The following NAALADL2 variants were observed in gnomAD, a reference collection of about 807,000 sequenced individuals.
NAALADL2 encodes the protein N-acetylated alpha-linked acidic dipeptidase like 2.
NAALADL2 carries 76 observed loss-of-function variants against 87.2 expected under a neutral mutation model. The observed-to-expected ratio is 0.87, with a 90% CI of 0.72 to 1.05. NAALADL2 has a LOEUF of 1.05. Ranked by LOEUF, NAALADL2 falls within the 50% of genes least tolerant of loss-of-function variation. The pLI is 0.00. For missense variants in NAALADL2, 1,089 were observed against 945.8 expected (o/e 1.15, Z -1.99); for synonymous variants, 354 against 331.0 (o/e 1.07, Z -0.75).
intron 1 of NAALADL2, among the ~76,000 whole-genome samples, chr3:175,003,419 A>G (rs575208622): frequency 4.6e-5 from 7 of 152,336 alleles, no homozygotes; most frequent in African/African-American, 1.7e-4. Context: ...GCTAGCAGCA[A>G]TAAACAGAGG....
intron 1 of NAALADL2, among the ~76,000 whole-genome samples, chr3:175,093,212 A>G (rs1352875316): frequency 6.6e-6 from 1 of 151,654 alleles, no homozygotes; most frequent in Admixed American, 6.6e-5. Flanking sequence ...GTCTTTAAAT[A>G]TAAAATTTTC....
chr3:174,945,777 G>T (rs971902660), intron 1 of NAALADL2, among the ~76,000 whole-genome samples: 5 of 152,172 alleles, frequency 3.3e-5, no homozygotes, highest in African/African-American at 1.2e-4. Flanking sequence ...GCTGGGCAAG[G>T]TGGCTCACGC....
chr3:175,582,639 T>C (rs528407860), intron 10 of NAALADL2, among the ~76,000 whole-genome samples: 1 of 152,322 alleles, frequency 6.6e-6, no homozygotes, highest in East Asian at 1.9e-4. Flanking sequence ...ATATTTGTTA[T>C]TTAGCCAGCA....
chr3:175,389,283 T>A (rs1412296752), intron 5 of NAALADL2, among the ~76,000 whole-genome samples: 1 of 152,200 alleles, frequency 6.6e-6, no homozygotes, highest in Non-Finnish European at 1.5e-5. Flanking sequence ...TTTTATTATT[T>A]TTAAATTCTC....
intron 4 of NAALADL2, among the ~76,000 whole-genome samples, chr3:175,286,429 T>C (rs1754986428): frequency 6.6e-6 from 1 of 152,186 alleles, no homozygotes. Context: ...GTTTAAGGCC[T>C]TGGCATTTAC....
chr3:175,484,646 CA>C (rs1012724647), intron 9 of NAALADL2, among the ~76,000 whole-genome samples: 1 of 152,050 alleles, frequency 6.6e-6, no homozygotes, highest in African/African-American at 2.4e-5. Context: ...ATTTCACAGA[CA>C]TTTTGTTTAT....
At chr3:174,696,258 T>A (rs1729001447) in intron 2 of NAALADL2, among the ~76,000 whole-genome samples, 4 of 152,002 alleles carry the variant, frequency 2.6e-5, no homozygotes, top group African/African-American at 7.2e-5. Context: ...GACTTATTAT[T>A]TACTCAATTA....
intron 13 of NAALADL2, among the ~76,000 whole-genome samples, chr3:175,796,030 C>G (rs987701245): frequency 4.7e-5 from 5 of 107,192 alleles, no homozygotes; most frequent in Admixed American, 3.8e-4. Flanking sequence ...TAACTAACCC[C>G]TTATTGTTCT....
intron 2 of NAALADL2, among the ~76,000 whole-genome samples, chr3:175,169,526 A>G (rs1734481947): frequency 6.6e-6 from 1 of 151,568 alleles, no homozygotes; most frequent in Non-Finnish European, 1.5e-5. Context: ...GTATTAAACT[A>G]ATTATTTTGT....
chr3:174,539,610 C>T (rs1427963047), intron 1 of NAALADL2, among the ~76,000 whole-genome samples: 1 of 152,084 alleles, frequency 6.6e-6, no homozygotes, highest in East Asian at 1.9e-4. Flanking sequence ...TCCTTGAAAG[C>T]AGTAGAACAT....
intron 2 of NAALADL2, among the ~76,000 whole-genome samples, chr3:175,121,989 A>G (rs1461264): frequency 0.6 from 91,341 of 151,568 alleles, 28,073 homozygotes; most frequent in African/African-American, 0.73. Context: ...CAATGGCGAC[A>G]CATTGTAATA....
intron 3 of NAALADL2, among the ~76,000 whole-genome samples, chr3:174,812,120 C>A (rs765272582): frequency 1.3e-5 from 2 of 152,106 alleles, no homozygotes; most frequent in African/African-American, 2.4e-5. Context: ...ATCATCTTTT[C>A]TTTATAAATT....
intron 1 of NAALADL2, among the ~76,000 whole-genome samples, chr3:175,053,347 G>T (rs1356774698): frequency 1.3e-5 from 2 of 152,106 alleles, no homozygotes; most frequent in Non-Finnish European, 2.9e-5. Flanking sequence ...GTGAATTGTT[G>T]TCCCGCTTTC....
chr3:175,423,728 A>G (rs531951518), intron 5 of NAALADL2, among the ~76,000 whole-genome samples: 92 of 152,230 alleles, frequency 6.0e-4, no homozygotes, highest in African/African-American at 2.0e-3. Flanking sequence ...ATAAATATGC[A>G]TGTGCATGTG....
chr3:175,463,256 G>T (rs1317593251), intron 6 of NAALADL2, 145 bp from the exon 7 acceptor site: 2 of 550,426 alleles, frequency 3.6e-6, no homozygotes, highest in Non-Finnish European at 6.4e-6. Context: ...ATAAATATTT[G>T]TCGGAAAAAG....
intron 9 of NAALADL2, among the ~76,000 whole-genome samples, chr3:175,545,391 A>T (rs1477876166): frequency 6.6e-6 from 1 of 152,122 alleles, no homozygotes; most frequent in African/African-American, 2.4e-5. Context: ...TTAAACTGAC[A>T]CCAATGAATA....
intron 5 of NAALADL2, among the ~76,000 whole-genome samples, chr3:175,445,070 T>C (rs1262165368): frequency 6.6e-6 from 1 of 152,218 alleles, no homozygotes; most frequent in East Asian, 1.9e-4. Context: ...AGCACTTATT[T>C]TCCCTAGTAA....
chr3:175,391,316 C>G (rs61450676), intron 5 of NAALADL2, among the ~76,000 whole-genome samples: 35,638 of 152,118 alleles, frequency 0.23, 4,731 homozygotes, highest in East Asian at 0.47. Context: ...CTGGAGATTC[C>G]TTTCTAATTA....
At chr3:175,446,058 A>G (rs1450294861) in intron 5 of NAALADL2, among the ~76,000 whole-genome samples, 3 of 152,178 alleles carry the variant, frequency 2.0e-5, no homozygotes, top group African/African-American at 7.2e-5. Context: ...ATGAATTTCA[A>G]TGGAGGATGT....
Sources: allele counts gnomAD v4.1 joint callset (sites outside exome capture counted in the v4.1 genomes callset), GRCh38; gene constraint gnomAD v4.1.1; transcripts MANE v1.5; gene names NCBI Gene and HGNC (gene_info 2026-07-23, HGNC 2026-07-21).